Variants in DPP10 observed in about 807,000 individuals in gnomAD.
DPP10 encodes the protein dipeptidyl peptidase like 10, also known as inactive dipeptidyl peptidase 10.
Under a neutral mutation model 120.9 loss-of-function variants are expected in DPP10, and 33 were observed. The ratio of observed to expected loss-of-function variants is 0.27; its 90% CI spans 0.21 to 0.37. The LOEUF (loss-of-function observed/expected upper bound fraction) is 0.37, where lower values mean the gene tolerates loss of function less well. DPP10 is among the 10% of genes least tolerant of loss of function. The pLI is 1.00. For missense variants in DPP10, 816 were observed against 942.8 expected, an observed-to-expected ratio of 0.87 and a Z score of 1.76; for synonymous variants, 337 against 326.1, an observed-to-expected ratio of 1.03 and a Z score of -0.36.
At chr2:115,365,936 T>C (rs1407114826) in intron 3 of DPP10, among the ~76,000 whole-genome samples, 1 of 152,036 alleles carries the variant, frequency 6.6e-6, no homozygotes, top group Non-Finnish European at 1.5e-5. Flanking sequence ...TTATTTATGT[T>C]ACTAATGAGT....
chr2:115,488,907 T>G (rs2075932121), intron 3 of DPP10, among the ~76,000 whole-genome samples: 1 of 148,996 alleles, frequency 6.7e-6, no homozygotes, highest in Non-Finnish European at 1.5e-5. Flanking sequence ...AAAATATGTA[T>G]CTCTCATGCC....
At chr2:114,914,259 C>T (rs760966326) in intron 1 of DPP10, among the ~76,000 whole-genome samples, 29 of 152,128 alleles carry the variant, frequency 1.9e-4, no homozygotes, top group Admixed American at 4.6e-4. Flanking sequence ...ACGTAGTCAT[C>T]GTATTCTCCA....
chr2:115,339,384 A>G (rs934219227), intron 2 of DPP10, among the ~76,000 whole-genome samples: 9 of 152,158 alleles, frequency 5.9e-5, no homozygotes, highest in African/African-American at 2.2e-4. Context: ...AAACTACTGT[A>G]AAAAAGCATA....
chr2:114,896,363 C>T (rs182075641), intron 1 of DPP10, among the ~76,000 whole-genome samples: 2 of 152,100 alleles, frequency 1.3e-5, no homozygotes, highest in Non-Finnish European at 2.9e-5. Context: ...TTCTGACCCA[C>T]GAGCATGGAA....
rs1281956044 is a variant in DPP10, at chr2:115,193,009, T to A, written c.61-116230T>A. ...TTTAACCTTTTAATGTAGGTATGAA[T>A]CCACATTCTTATGCCTCCTTACAAT... On this transcript the variant is annotated intron_variant, in intron 1 of 25. Coordinates refer to ENST00000410059, the MANE Select transcript of DPP10 (RefSeq NM_020868.6). Among the ~76,000 whole-genome samples the A allele has an allele frequency of 3.9e-5, 6 of 152,008 alleles. No individual in the cohort carries two copies. In the South Asian group the frequency reaches 8.3e-4, roughly 21 times the overall value.
At chr2:115,785,119 A>G (rs890073098) in intron 17 of DPP10, among the ~76,000 whole-genome samples, 3 of 152,150 alleles carry the variant, frequency 2.0e-5, no homozygotes, top group Non-Finnish European at 2.9e-5. Flanking sequence ...ATGGCTTCCA[A>G]CTGGATTCAA....
At chr2:115,629,579 T>A (rs1232783929) in intron 5 of DPP10, among the ~76,000 whole-genome samples, 1 of 152,220 alleles carries the variant, frequency 6.6e-6, no homozygotes, top group Non-Finnish European at 1.5e-5. Context: ...GATAAGCATT[T>A]TTTCATGTGT....
intron 1 of DPP10, among the ~76,000 whole-genome samples, chr2:115,106,353 C>T (rs75344590): frequency 4.6e-5 from 7 of 152,324 alleles, no homozygotes; most frequent in Non-Finnish European, 8.8e-5. Flanking sequence ...CAAGGACTCT[C>T]ACCCCAAGAG....
chr2:115,367,985 G>C (rs963142843), intron 3 of DPP10, among the ~76,000 whole-genome samples: 2 of 152,014 alleles, frequency 1.3e-5, no homozygotes, highest in African/African-American at 4.8e-5. Flanking sequence ...TGTGTGTTTA[G>C]GTTCATGTCC....
intron 19 of DPP10, among the ~76,000 whole-genome samples, chr2:115,802,070 T>C (rs1294754967): frequency 2.0e-5 from 3 of 152,256 alleles, no homozygotes; most frequent in African/African-American, 7.2e-5. Flanking sequence ...TCCTGGACTT[T>C]TTTTGGTTGG....
At chr2:115,247,259 A>G (rs1161586649) in intron 1 of DPP10, among the ~76,000 whole-genome samples, 3 of 152,128 alleles carry the variant, frequency 2.0e-5, no homozygotes, top group Non-Finnish European at 4.4e-5. Context: ...AGGTGCCTGC[A>G]TGTCCTCATC....
At chr2:115,485,362 C>T (rs1464086151) in intron 3 of DPP10, among the ~76,000 whole-genome samples, 1 of 151,894 alleles carries the variant, frequency 6.6e-6, no homozygotes, top group African/African-American at 2.4e-5. Context: ...TTGCTATTAC[C>T]TTAGAACTAA....
rs3768692 is a variant in DPP10 at position 115,844,267 on chromosome 2, T to C, written c.*1922T>C. 0.11 allele frequency: 16,692 copies of C among 152,616 alleles called. 1,502 individuals carry two copies. The highest frequency in any genetic ancestry group is 0.5 in the East Asian group (2,562 of 5,158). The allele number at this position is 152,616 out of a possible 1,614,324, so 9.5% of individuals were successfully genotyped here. A position where few individuals can be genotyped will look rare whatever the true frequency, so the allele number is the denominator to read the frequency against. On this transcript the variant is annotated 3_prime_UTR_variant, in exon 26 of 26. Transcript: ENST00000410059. ...TATTTTAAATTTGAACCACTAGAGTTTTTTATGATGCAAATGATTATGTTG... is the reference window on the plus strand; with the variant it reads ...TATTTTAAATTTGAACCACTAGAGTCTTTTATGATGCAAATGATTATGTTG...
chr2:114,781,903 A>G (rs1682361757), intron 1 of DPP10, among the ~76,000 whole-genome samples: 1 of 152,076 alleles, frequency 6.6e-6, no homozygotes, highest in Non-Finnish European at 1.5e-5. Context: ...ATTTTCCACA[A>G]TCATCATGTT....
intron 3 of DPP10, among the ~76,000 whole-genome samples, chr2:115,352,619 A>T (rs901931496): frequency 6.6e-6 from 1 of 152,172 alleles, no homozygotes; most frequent in African/African-American, 2.4e-5. Flanking sequence ...AGATACAAAG[A>T]TATAAAGGTG....
rs145073886 is a variant in DPP10 at position 115,069,873 on chromosome 2, C to T, written c.61-239366C>T. Among the ~76,000 whole-genome samples the T allele has an allele frequency of 2.5e-3, 370 of 150,986 alleles. 4 individuals are homozygous for T. The highest frequency in any genetic ancestry group is 0.017 in the Middle Eastern group (5 of 290). ...AGGTCTATCTATATATATATGTATA[C>T]GTATATAATATTTATATGTATGTAT... On this transcript the variant is annotated intron_variant, in intron 1 of 25. Coordinates refer to ENST00000410059, the MANE Select transcript of DPP10 (RefSeq NM_020868.6).
chr2:115,660,041 A>G (rs1403945361), intron 5 of DPP10, among the ~76,000 whole-genome samples: 2 of 152,178 alleles, frequency 1.3e-5, no homozygotes, highest in African/African-American at 4.8e-5. Flanking sequence ...AGGATTTTAT[A>G]ATAGCTTAAA....
intron 3 of DPP10, among the ~76,000 whole-genome samples, chr2:115,384,534 AAAG>A (rs1193081912): frequency 2.7e-4 from 35 of 128,678 alleles, no homozygotes; most frequent in South Asian, 5.5e-4. Flanking sequence ...GAAGAAGAAG[AAAG>A]AAGAAGAAGG....
intron 1 of DPP10, among the ~76,000 whole-genome samples, chr2:114,716,615 T>A (rs1701364389): frequency 6.6e-6 from 1 of 152,210 alleles, no homozygotes; most frequent in Non-Finnish European, 1.5e-5. Flanking sequence ...CTAAGCAACA[T>A]CTTGCTGTAT....
Sources: gnomAD v4.1 joint callset for allele counts (sites outside exome capture counted in the v4.1 genomes callset) on GRCh38, gnomAD v4.1.1 for gene constraint, MANE v1.5 for transcripts, NCBI Gene and HGNC (gene_info 2026-07-23, HGNC 2026-07-21) for gene names.